CTNNA2: variants seen among roughly 807,000 people sequenced by gnomAD.
CTNNA2 encodes the protein catenin alpha 2, also known as catenin alpha-2.
A neutral mutation model predicts 101.0 loss-of-function variants in CTNNA2; 42 were observed. The observed-to-expected ratio is 0.42, with a 90% CI of 0.32 to 0.54. The LOEUF (loss-of-function observed/expected upper bound fraction) is 0.54. Among genes scored for constraint, CTNNA2 ranks in the 20% least tolerant of loss-of-function variants. The pLI is 0.14. For missense variants in CTNNA2, 871 were observed against 1,223.1 expected (o/e 0.71, Z 4.29); for synonymous variants, 450 against 456.4 (o/e 0.99, Z 0.18).
chr2:79,984,356 G>A (rs1341097086), intron 7 of CTNNA2, among the ~76,000 whole-genome samples: 15 of 151,984 alleles, frequency 9.9e-5, no homozygotes, highest in South Asian at 2.1e-4. Context: ...TATTGATGGG[G>A]GCATTGATCC....
At chr2:79,594,859 A>G (rs532256378) in intron 1 of CTNNA2, among the ~76,000 whole-genome samples, 10 of 152,264 alleles carry the variant, frequency 6.6e-5, no homozygotes, top group African/African-American at 2.4e-4. Context: ...TATCATCTAC[A>G]TCATTATCAG....
At position 80,194,494 on chromosome 2, in the gene CTNNA2, G is replaced by GTT. The variant is rs5832439; in HGVS notation, c.1057-198707_1057-198706dup. Among the ~76,000 whole-genome samples the GTT allele has an allele frequency of 1.4e-3, 205 of 147,230 alleles. 2 individuals carry two copies. The highest frequency in any genetic ancestry group is 4.2e-3 in the African/African-American group (172 of 40,534). ...AAATTATATTTTACATGATGTGATA[G>GTT]TTTTTTTTTTTACACTAAGGTATGC... On this transcript the variant is annotated intron_variant, in intron 7 of 18. Coordinates refer to ENST00000402739, the MANE Select transcript of CTNNA2 (RefSeq NM_001282597.3).
chr2:80,492,596 A>C (rs973835283), intron 9 of CTNNA2, among the ~76,000 whole-genome samples: 1 of 152,208 alleles, frequency 6.6e-6, no homozygotes, highest in Non-Finnish European at 1.5e-5. Context: ...TCAACTTGAC[A>C]TACAGAGCCT....
At chr2:79,419,654 A>G (rs1678520531) in intron 4 of CTNNA2, among the ~76,000 whole-genome samples, 1 of 152,198 alleles carries the variant, frequency 6.6e-6, no homozygotes, top group Admixed American at 6.5e-5. Context: ...ATAAATCCAT[A>G]TCTTTGGGGT....
In CTNNA2 at chr2:79,844,555, A is replaced by C. The variant is rs533561501; in HGVS notation, c.299-13458A>C. Among the ~76,000 whole-genome samples, 5 of 152,244 alleles carry C rather than the reference A, an allele frequency of 3.3e-5. No homozygotes were observed. The South Asian group carries it at 1.0e-3, about 32-fold the overall frequency. On this transcript the variant is annotated intron_variant, in intron 3 of 18. Transcript: ENST00000402739. ...AATTCACTGACTTCCTGTGATCTTCATTCTTTCGTTTATTACTGTACATCT... is the reference window on the plus strand; with the variant it reads ...AATTCACTGACTTCCTGTGATCTTCCTTCTTTCGTTTATTACTGTACATCT...
intron 4 of CTNNA2, among the ~76,000 whole-genome samples, chr2:79,382,771 G>T (rs373069565): frequency 6.6e-6 from 1 of 152,076 alleles, no homozygotes; most frequent in African/African-American, 2.4e-5. Context: ...CCAACACCAC[G>T]CCCGGCTAAT....
At chr2:80,110,268 C>T (rs913449363) in intron 7 of CTNNA2, among the ~76,000 whole-genome samples, 4 of 152,156 alleles carry the variant, frequency 2.6e-5, no homozygotes, top group Non-Finnish European at 5.9e-5. Context: ...TATTAGGTTT[C>T]CAGAAACTGG....
intron 7 of CTNNA2, among the ~76,000 whole-genome samples, chr2:80,128,357 A>G (rs754858733): frequency 2.0e-5 from 3 of 152,128 alleles, no homozygotes; most frequent in Non-Finnish European, 4.4e-5. Flanking sequence ...CTTAACCTCT[A>G]ATGGGAGTCA....
rs371381614 is a variant in CTNNA2, at chr2:79,460,448, A to G, written c.-134-44606A>G. 1.9e-3 allele frequency among the ~76,000 whole-genome samples: 288 copies of G among 152,282 alleles called. 3 individuals are homozygous for G. The highest frequency in any genetic ancestry group is 6.6e-3 in the African/African-American group (274 of 41,574). On this transcript the variant is annotated intron_variant, in intron 4 of 21. Coordinates refer to the CTNNA2 transcript ENST00000466387. Reference sequence around the variant, plus strand: ...GGAAGTTATTCTAAGCTCTTTTTATATATTTCTCCTACAATCAGTTGGTTG... The same window carrying G: ...GGAAGTTATTCTAAGCTCTTTTTATGTATTTCTCCTACAATCAGTTGGTTG...
intron 18 of CTNNA2, among the ~76,000 whole-genome samples, chr2:80,632,296 A>C (rs2149833616): frequency 6.6e-6 from 1 of 151,606 alleles, no homozygotes; most frequent in African/African-American, 2.4e-5. Context: ...ACACACACAC[A>C]GTCTTGGAGG....
chr2:80,065,753 G>T (rs887735343), intron 7 of CTNNA2, among the ~76,000 whole-genome samples: 1 of 152,202 alleles, frequency 6.6e-6, no homozygotes, highest in South Asian at 2.1e-4. Flanking sequence ...TATGCACATT[G>T]TAAAAGCTCA....
intron 9 of CTNNA2, among the ~76,000 whole-genome samples, chr2:80,456,646 T>C (rs772692922): frequency 6.6e-6 from 1 of 152,204 alleles, no homozygotes; most frequent in East Asian, 1.9e-4. Flanking sequence ...TAGGCCCACA[T>C]TGAAAACCCA....
At chr2:80,582,326 TTAGA>T (rs1695610214) in intron 14 of CTNNA2, among the ~76,000 whole-genome samples, 2 of 152,146 alleles carry the variant, frequency 1.3e-5, no homozygotes, top group South Asian at 4.1e-4. Context: ...TTCAAGGCCA[TTAGA>T]TAGAGAACTT....
intron 2 of CTNNA2, among the ~76,000 whole-genome samples, chr2:79,210,401 T>C (rs1372070654): frequency 2.0e-5 from 3 of 151,994 alleles, no homozygotes; most frequent in African/African-American, 7.3e-5. Flanking sequence ...ATAGAGTTCA[T>C]TTTTTTTCTT....
At chr2:80,151,735 T>G (rs1419412348) in intron 7 of CTNNA2, among the ~76,000 whole-genome samples, 2 of 152,196 alleles carry the variant, frequency 1.3e-5, no homozygotes, top group Non-Finnish European at 2.9e-5. Context: ...TGGTTCCTAC[T>G]GGTCCCGATT....
chr2:80,528,848 T>C (rs1690272606), intron 9 of CTNNA2, among the ~76,000 whole-genome samples: 1 of 152,184 alleles, frequency 6.6e-6, no homozygotes, highest in African/African-American at 2.4e-5. Context: ...CTTTGGAACA[T>C]TCTCAAACTT....
chr2:80,539,000 A>G (rs554550796), intron 9 of CTNNA2, among the ~76,000 whole-genome samples: 1 of 152,070 alleles, frequency 6.6e-6, no homozygotes, highest in African/African-American at 2.4e-5. Context: ...ATTGGGTCAC[A>G]ATGTATTTTT....
chr2:79,404,196 A>G (rs1221494844), intron 4 of CTNNA2, among the ~76,000 whole-genome samples: 2 of 151,982 alleles, frequency 1.3e-5, no homozygotes, highest in African/African-American at 2.4e-5. Flanking sequence ...GCAGAACTCA[A>G]GTGTTTAAGA....
chr2:80,290,204 C>G (rs1675116975), intron 7 of CTNNA2, among the ~76,000 whole-genome samples: 1 of 152,170 alleles, frequency 6.6e-6, no homozygotes, highest in African/African-American at 2.4e-5. Context: ...GGCAGAAGCT[C>G]TGTCTAATTA....
Sources: gnomAD v4.1 joint callset for allele counts (sites outside exome capture counted in the v4.1 genomes callset) on GRCh38, gnomAD v4.1.1 for gene constraint, MANE v1.5 for transcripts, NCBI Gene and HGNC (gene_info 2026-07-23, HGNC 2026-07-21) for gene names.